The following ZFYVE1 variants were observed in gnomAD, a reference collection of about 807,000 sequenced individuals.
The protein encoded by ZFYVE1 is zinc finger FYVE-type containing 1, also known as zinc finger FYVE domain-containing protein 1.
A neutral mutation model predicts 74.4 loss-of-function variants in ZFYVE1; 30 were observed. The ratio of observed to expected loss-of-function variants is 0.40; its 90% CI spans 0.30 to 0.55. The LOEUF (loss-of-function observed/expected upper bound fraction) is 0.55, where lower values mean the gene tolerates loss of function less well. Among genes scored for constraint, ZFYVE1 ranks in the 20% least tolerant of loss-of-function variants. The pLI is 0.42. For synonymous variants in ZFYVE1, 335 were observed against 385.1 expected (o/e 0.87, Z 1.52); for missense variants, 703 against 1,011.6 (o/e 0.69, Z 4.14).
chr14:73,021,883 A>G (rs4899453), intron 2 of ZFYVE1, among the ~76,000 whole-genome samples: 74,582 of 152,024 alleles, frequency 0.49, 18,839 homozygotes, highest in African/African-American at 0.59. Flanking sequence ...TAAGGAACAC[A>G]TATCAATGCT....
rs1893352427 is a variant in ZFYVE1, at chr14:72,982,242, C to G, written c.1204-347G>C. 3.9e-5 allele frequency among the ~76,000 whole-genome samples: 6 copies of G among 152,264 alleles called. No individual in the cohort carries two copies. The South Asian group carries it at 1.2e-3, about 32-fold the overall frequency. On this transcript the variant is annotated intron_variant, in intron 4 of 11. Transcript: ENST00000556143. ...TGAGGCTGGAACCAAGAAACCAAGA[C>G]TCACGAGGATGGCTCCTCTTTAAGC...
chr14:72,980,838 A>G (rs2140349585), intron 5 of ZFYVE1, among the ~76,000 whole-genome samples: 1 of 152,182 alleles, frequency 6.6e-6, no homozygotes, highest in East Asian at 1.9e-4. Flanking sequence ...TTACAGGCGT[A>G]AGCCACCGTG....
chr14:73,011,117 G>A (rs1377762107), intron 2 of ZFYVE1, among the ~76,000 whole-genome samples: 1 of 151,156 alleles, frequency 6.6e-6, no homozygotes, highest in South Asian at 2.1e-4. Flanking sequence ...TCCCTTTCAA[G>A]TCCTCTGAAT....
At chr14:72,987,592 T>C (rs1039568863) in intron 4 of ZFYVE1, among the ~76,000 whole-genome samples, 9 of 152,126 alleles carry the variant, frequency 5.9e-5, no homozygotes, top group African/African-American at 2.2e-4. Flanking sequence ...ATAAAACCTA[T>C]ACAAATTCAA....
Position 72,971,028 on chromosome 14 carries a change from T to C in ZFYVE1, c.2188A>G (p.Ile730Val). 1 of 1,614,180 alleles carries C rather than the reference T, an allele frequency of 6.2e-7. No individual in the cohort carries two copies. The highest frequency in any genetic ancestry group is 8.5e-7 in the Non-Finnish European group (1 of 1,180,034). ...CGGCAGTGGTGCTTGGAGAGCTTGA[T>C]GCTGAACTCCTTCCGGCAGTTGTGG... Reference protein sequence around the residue: ...HCHNCRKEFSIKLSKHHCRAC... With the variant: ...HCHNCRKEFSVKLSKHHCRAC... Residue 730 changes from isoleucine to valine, a missense_variant, in exon 12 of 12, where the codon ATC becomes GTC. Coordinates refer to ENST00000556143, the MANE Select transcript of ZFYVE1 (RefSeq NM_021260.4).
intron 3 of ZFYVE1, 66 bp from the exon 4 acceptor site, chr14:72,993,423 C>G: frequency 7.1e-7 from 1 of 1,410,710 alleles, no homozygotes. Context: ...AAAAAGTAGG[C>G]CAGGCACGGT....
chr14:72,971,754 C>G (rs1000513934), intron 11 of ZFYVE1, among the ~76,000 whole-genome samples: 1 of 152,160 alleles, frequency 6.6e-6, no homozygotes, highest in Non-Finnish European at 1.5e-5. Flanking sequence ...TAGGCATGCA[C>G]CCCCACACCC....
intron 2 of ZFYVE1, among the ~76,000 whole-genome samples, chr14:73,022,302 T>C (rs1353974000): frequency 1.3e-5 from 2 of 152,218 alleles, no homozygotes; most frequent in Non-Finnish European, 2.9e-5. Flanking sequence ...ATGTAACTCA[T>C]TTCCATCAGC....
At chr14:73,003,714 A>ACG (rs1893922632) in intron 2 of ZFYVE1, among the ~76,000 whole-genome samples, 5 of 152,034 alleles carry the variant, frequency 3.3e-5, no homozygotes, top group Non-Finnish European at 4.4e-5. Flanking sequence ...TAACTGGAAA[A>ACG]AAAAAAAAGT....
intron 4 of ZFYVE1, among the ~76,000 whole-genome samples, chr14:72,989,123 T>C (rs1455451340): frequency 6.6e-6 from 1 of 152,036 alleles, no homozygotes; most frequent in Non-Finnish European, 1.5e-5. Flanking sequence ...AGATGGGGTT[T>C]CACTATGTTG....
chr14:73,016,732 G>A (rs1341691517), intron 2 of ZFYVE1, among the ~76,000 whole-genome samples: 1 of 151,674 alleles, frequency 6.6e-6, no homozygotes, highest in South Asian at 2.1e-4. Context: ...AAATTAGCCA[G>A]GTGTGGTGGC....
chr14:72,997,264 A>T (rs1893770202), intron 3 of ZFYVE1, among the ~76,000 whole-genome samples: 1 of 152,160 alleles, frequency 6.6e-6, no homozygotes, highest in Admixed American at 6.6e-5. Flanking sequence ...AAAAAAGAAA[A>T]ATCCCTTGAA....
At chr14:73,016,984 A>C (rs1894216259) in intron 2 of ZFYVE1, among the ~76,000 whole-genome samples, 2 of 152,142 alleles carry the variant, frequency 1.3e-5, no homozygotes, top group Non-Finnish European at 2.9e-5. Flanking sequence ...CAGCTAAATT[A>C]CTTGAGGAGC....
chr14:72,993,809 G>T (rs961546597), intron 3 of ZFYVE1, among the ~76,000 whole-genome samples: 1 of 151,086 alleles, frequency 6.6e-6, no homozygotes, highest in African/African-American at 2.4e-5. Flanking sequence ...GGATCACCAG[G>T]TCAAGAGATG....
chr14:72,978,950 T>G lies in ZFYVE1; in HGVS notation c.1330A>C (p.Met444Leu), dbSNP rs1440164670. Residue 444 changes from methionine (M) to leucine (L), a missense_variant, in exon 6 of 12, where the codon ATG (methionine) becomes CTG (leucine). Physicochemically the swap from Met to Leu is conservative, Grantham distance 15. This residue lies in a region of ZFYVE1 where 492 missense variants were observed against 790.0 expected (regional missense o/e 0.62). Transcript: ENST00000556143. ...GGCACTCCTTCCTTCCCATGATTCATGCTTTTCTTACATCCAACCCTGAAT... is the reference window on the plus strand; with the variant it reads ...GGCACTCCTTCCTTCCCATGATTCAGGCTTTTCTTACATCCAACCCTGAAT... ...LSCGVGCKKS[M>L]NHGKEGVPHE... 4 of 1,613,822 alleles carry G rather than the reference T, an allele frequency of 2.5e-6. No homozygotes were observed. Among genetic ancestry groups the G allele is most frequent in the Non-Finnish European group, 2.5e-6 (3 of 1,179,854 alleles).
At chr14:72,986,903 C>T in intron 4 of ZFYVE1, 1 of 985,404 alleles carries the variant, frequency 1.0e-6, no homozygotes. Flanking sequence ...TCACATCATT[C>T]CACAGTTTCT....
intron 2 of ZFYVE1, among the ~76,000 whole-genome samples, chr14:73,008,800 TTTCA>T (rs1166866292): frequency 6.6e-6 from 1 of 152,150 alleles, no homozygotes; most frequent in African/African-American, 2.4e-5. Flanking sequence ...CAGAATGGTC[TTTCA>T]TTCTGGAATG....
At chr14:73,003,949 G>A (rs778678699) in intron 2 of ZFYVE1, among the ~76,000 whole-genome samples, 12 of 152,118 alleles carry the variant, frequency 7.9e-5, no homozygotes, top group Non-Finnish European at 1.2e-4. Flanking sequence ...GTGAATGAGT[G>A]AGTGAATAAA....
At chr14:72,985,791 AT>A (rs34145617) in intron 4 of ZFYVE1, among the ~76,000 whole-genome samples, 50,985 of 151,262 alleles carry the variant, frequency 0.34, 9,275 homozygotes, top group African/African-American at 0.46. Context: ...TATTATTTTC[AT>A]TTTTTAAAAT....
Sources: allele counts gnomAD v4.1 joint callset (sites outside exome capture counted in the v4.1 genomes callset), GRCh38; gene constraint gnomAD v4.1.1; regional missense constraint gnomAD v4.1.1; transcripts MANE v1.5; gene names NCBI Gene and HGNC (gene_info 2026-07-23, HGNC 2026-07-21).